Variants in ST3GAL1 observed in about 807,000 individuals in gnomAD.
ST3GAL1 encodes the protein ST3 beta-galactoside alpha-2,3-sialyltransferase 1, also known as CMP-N-acetylneuraminate-beta-galactosamide-alpha-2,3-sialyltransferase 1.
Under a neutral mutation model 34.1 loss-of-function variants are expected in ST3GAL1, and 16 were observed. The ratio of observed to expected loss-of-function variants is 0.47; its 90% confidence interval spans 0.32 to 0.71. ST3GAL1 has a LOEUF of 0.71. Among genes scored for constraint, ST3GAL1 ranks in the 30% least tolerant of loss-of-function variants. The pLI is 0.04. For synonymous variants in ST3GAL1, 191 were observed against 184.7 expected (o/e 1.03, Z -0.28); for missense variants, 353 against 447.4 (o/e 0.79, Z 1.90).
intron 1 of ST3GAL1, among the ~76,000 whole-genome samples, chr8:133,548,955 G>A (rs897923821): frequency 3.9e-5 from 6 of 152,218 alleles, no homozygotes; most frequent in African/African-American, 1.4e-4. Flanking sequence ...ATCAGGATGT[G>A]GCTGATTTAT....
intron 3 of ST3GAL1, among the ~76,000 whole-genome samples, chr8:133,493,981 G>A (rs1023920349): frequency 2.6e-5 from 4 of 152,064 alleles, no homozygotes; most frequent in Admixed American, 6.5e-5. Flanking sequence ...CCAGGAAGAC[G>A]CTGGCAGGCA....
At chr8:133,470,537 C>T (rs1815911661) in intron 5 of ST3GAL1, among the ~76,000 whole-genome samples, 1 of 152,208 alleles carries the variant, frequency 6.6e-6, no homozygotes, top group Admixed American at 6.5e-5. Context: ...ACAATCAGCG[C>T]TCAATCTGCA....
intron 3 of ST3GAL1, among the ~76,000 whole-genome samples, chr8:133,480,013 C>T (rs1375052123): frequency 4.6e-5 from 7 of 152,224 alleles, no homozygotes; most frequent in South Asian, 2.1e-4. Context: ...TGGGCCAAGA[C>T]GCCACAGACC....
intron 5 of ST3GAL1, among the ~76,000 whole-genome samples, chr8:133,473,748 C>T (rs549567421): frequency 1.3e-5 from 2 of 152,226 alleles, no homozygotes; most frequent in Non-Finnish European, 2.9e-5. Flanking sequence ...TTCTGGCTAT[C>T]GCAACTGGGG....
rs540106942 is a variant in ST3GAL1, at chr8:133,568,062, C to G, written c.-582+3631G>C. Among the ~76,000 whole-genome samples, 4 of 152,150 alleles carry G rather than the reference C, an allele frequency of 2.6e-5. No homozygotes were observed. The East Asian group carries it at 7.7e-4, about 29-fold the overall frequency. On this transcript the variant is annotated intron_variant, in intron 1 of 9. Coordinates refer to ENST00000522652, the MANE Select transcript of ST3GAL1 (RefSeq NM_173344.3). ...CAGCCTCCTGAGTAGCTGGGTACTA[C>G]AGGAGCCCACCACTATGCCCGGCTA...
At chr8:133,485,185 G>A (rs181777879) in intron 3 of ST3GAL1, among the ~76,000 whole-genome samples, 56 of 152,316 alleles carry the variant, frequency 3.7e-4, no homozygotes, top group African/African-American at 1.2e-3. Context: ...GGGGCTGGAA[G>A]CCTGGGAACT....
chr8:133,541,929 A>G (rs1563735125), intron 2 of ST3GAL1, among the ~76,000 whole-genome samples: 1 of 152,222 alleles, frequency 6.6e-6, no homozygotes, highest in Non-Finnish European at 1.5e-5. Context: ...GTTCAGCATC[A>G]TTCAGATAGA....
rs529550912 is a variant in ST3GAL1 at position 133,513,731 on chromosome 8, T to C, written c.-428-14542A>G. Among the ~76,000 whole-genome samples, 4 of 152,054 alleles carry C rather than the reference T, an allele frequency of 2.6e-5. No homozygotes were observed. In the East Asian group the frequency reaches 5.8e-4, roughly 22 times the overall value. On this transcript the variant is annotated intron_variant, in intron 2 of 9. Transcript: ENST00000522652. Reference sequence around the variant, plus strand: ...CAACATGGTGAAACCCCATCTCTACTAAAAATACAAAAATAAAAATAGCCA... The same window carrying C: ...CAACATGGTGAAACCCCATCTCTACCAAAAATACAAAAATAAAAATAGCCA...
intron 3 of ST3GAL1, among the ~76,000 whole-genome samples, chr8:133,494,913 CTTTTT>C (rs34975583): frequency 1.8e-4 from 18 of 100,720 alleles, no homozygotes; most frequent in African/African-American, 5.1e-4. Flanking sequence ...TTCCTCTATT[CTTTTT>C]TTTTTTTTTT....
intron 5 of ST3GAL1, among the ~76,000 whole-genome samples, chr8:133,470,464 C>T (rs1224657461): frequency 2.0e-5 from 3 of 151,952 alleles, no homozygotes; most frequent in African/African-American, 4.8e-5. Flanking sequence ...GAACACAGGA[C>T]AGAGTGTTTG....
intron 3 of ST3GAL1, among the ~76,000 whole-genome samples, chr8:133,496,294 G>A (rs1228804728): frequency 6.6e-6 from 1 of 152,174 alleles, no homozygotes; most frequent in African/African-American, 2.4e-5. Context: ...TGCTGCTTCT[G>A]GAAATGAGTT....
At chr8:133,555,281 CCTGG>C (rs1316717031) in intron 1 of ST3GAL1, among the ~76,000 whole-genome samples, 1 of 152,140 alleles carries the variant, frequency 6.6e-6, no homozygotes, top group East Asian at 1.9e-4. Flanking sequence ...AGCACGCTTC[CCTGG>C]TGTGGATTTC....
chr8:133,518,517 C>T (rs1351419382), intron 2 of ST3GAL1, among the ~76,000 whole-genome samples: 4 of 152,226 alleles, frequency 2.6e-5, no homozygotes, highest in Non-Finnish European at 4.4e-5. Flanking sequence ...AGCAACCCTT[C>T]ATTTGATGCT....
At chr8:133,468,453 C>T (rs78949249) in intron 5 of ST3GAL1, among the ~76,000 whole-genome samples, 13,014 of 152,126 alleles carry the variant, frequency 0.086, 612 homozygotes, top group Admixed American at 0.17. Flanking sequence ...GCGTGGCTGT[C>T]AGGGGCTGGG....
At chr8:133,557,629 C>T (rs999209517) in intron 1 of ST3GAL1, among the ~76,000 whole-genome samples, 3 of 152,186 alleles carry the variant, frequency 2.0e-5, no homozygotes, top group African/African-American at 7.2e-5. Context: ...GCAGGCAGAT[C>T]ATGAGGTCAA....
chr8:133,524,711 C>T (rs1025332946), intron 2 of ST3GAL1, among the ~76,000 whole-genome samples: 3 of 152,282 alleles, frequency 2.0e-5, no homozygotes, highest in African/African-American at 4.8e-5. Context: ...CAGGTGCCAG[C>T]TCCATGTGAG....
intron 5 of ST3GAL1, among the ~76,000 whole-genome samples, chr8:133,474,972 G>A (rs947128617): frequency 1.3e-5 from 2 of 152,214 alleles, no homozygotes; most frequent in Admixed American, 1.3e-4. Context: ...TGTAGTGGGT[G>A]AAATAGTGGC....
At chr8:133,535,795 A>G (rs1468500437) in intron 2 of ST3GAL1, among the ~76,000 whole-genome samples, 1 of 152,246 alleles carries the variant, frequency 6.6e-6, no homozygotes, top group Non-Finnish European at 1.5e-5. Context: ...AAAAAATACA[A>G]AAAAGTATTT....
At chr8:133,517,013 G>T (rs1172315617) in intron 2 of ST3GAL1, among the ~76,000 whole-genome samples, 1 of 152,250 alleles carries the variant, frequency 6.6e-6, no homozygotes, top group Admixed American at 6.5e-5. Context: ...CTGAGCAGAA[G>T]TGACACCTTG....
Sources: gnomAD v4.1 joint callset for allele counts (sites outside exome capture counted in the v4.1 genomes callset) on GRCh38, gnomAD v4.1.1 for gene constraint, MANE v1.5 for transcripts, NCBI Gene and HGNC (gene_info 2026-07-23, HGNC 2026-07-21) for gene names.